The following TENM4 variants were observed in gnomAD, a reference collection of about 807,000 sequenced individuals.
TENM4 encodes the protein teneurin-4.
Under a neutral mutation model 243.3 loss-of-function variants are expected in TENM4, and 82 were observed. That is an observed-to-expected ratio of 0.34 (90% confidence interval 0.28 to 0.40). TENM4 has a LOEUF of 0.40. Among genes scored for constraint, TENM4 ranks in the 10% least tolerant of loss-of-function variants. The pLI, the probability that TENM4 is intolerant of heterozygous loss-of-function variation, is 1.00. For synonymous variants in TENM4, 1,412 were observed against 1,456.3 expected (o/e 0.97, Z 0.69); for missense variants, 3,138 against 3,673.3 (o/e 0.85, Z 3.77).
chr11:79,247,809 A>T (rs1349590320), intron 2 of TENM4, among the ~76,000 whole-genome samples: 2 of 152,216 alleles, frequency 1.3e-5, no homozygotes, highest in African/African-American at 4.8e-5. Flanking sequence ...AAGACAACTC[A>T]GTTGAAGGAA....
intron 6 of TENM4, among the ~76,000 whole-genome samples, chr11:78,929,624 C>T (rs570830026): frequency 1.4e-4 from 21 of 152,094 alleles, no homozygotes; most frequent in African/African-American, 4.6e-4. Flanking sequence ...TCAGGGCCCC[C>T]GGGGGAGATG....
At chr11:79,271,411 A>G (rs1565277555) in intron 2 of TENM4, among the ~76,000 whole-genome samples, 1 of 152,178 alleles carries the variant, frequency 6.6e-6, no homozygotes, top group Non-Finnish European at 1.5e-5. Context: ...CACTTTTCAT[A>G]CCAATCTGGA....
intron 3 of TENM4, among the ~76,000 whole-genome samples, chr11:79,163,895 G>A (rs1181081598): frequency 2.2e-5 from 3 of 136,010 alleles, no homozygotes; most frequent in East Asian, 2.1e-4. Context: ...TATTATATAT[G>A]GATATATATC....
At chr11:79,045,877 G>A (rs1365878872) in intron 6 of TENM4, among the ~76,000 whole-genome samples, 2 of 152,128 alleles carry the variant, frequency 1.3e-5, no homozygotes, top group Admixed American at 6.5e-5. Flanking sequence ...GTGCAGACAC[G>A]CAAAACACAC....
intron 3 of TENM4, among the ~76,000 whole-genome samples, chr11:79,207,322 C>A (rs912099687): frequency 6.6e-6 from 1 of 152,222 alleles, no homozygotes; most frequent in Non-Finnish European, 1.5e-5. Context: ...TCCCAACTAA[C>A]ACGGAGTGAG....
chr11:78,891,616 G>A lies in TENM4; in HGVS notation c.750-280C>T, dbSNP rs115122692. On this transcript the variant is annotated intron_variant, in intron 7 of 33. Coordinates refer to ENST00000278550, the MANE Select transcript of TENM4 (RefSeq NM_001098816.3). Reference sequence around the variant, plus strand: ...AGGACTGACATGTGTCCGGGACTGAGCTAGGTATGCTACATCCAGCCTCTC... The same window carrying A: ...AGGACTGACATGTGTCCGGGACTGAACTAGGTATGCTACATCCAGCCTCTC... 8.4e-3 allele frequency among the ~76,000 whole-genome samples: 1,283 copies of A among 152,314 alleles called. 22 individuals carry two copies. Among genetic ancestry groups the A allele is most frequent in the African/African-American group, 0.029 (1,188 of 41,560 alleles).
At chr11:79,019,250 G>A (rs1858859241) in intron 6 of TENM4, among the ~76,000 whole-genome samples, 1 of 152,212 alleles carries the variant, frequency 6.6e-6, no homozygotes. Context: ...CTAGGTAGAG[G>A]ACGGCAGCAA....
intron 2 of TENM4, among the ~76,000 whole-genome samples, chr11:79,286,630 C>T (rs1380660102): frequency 3.3e-5 from 5 of 151,780 alleles, no homozygotes; most frequent in Non-Finnish European, 5.9e-5. Context: ...AATCGTGCCA[C>T]GGCACTCCAG....
intron 1 of TENM4, among the ~76,000 whole-genome samples, chr11:79,382,676 G>T (rs57447286): frequency 0.099 from 14,991 of 151,992 alleles, 895 homozygotes; most frequent in African/African-American, 0.16. Flanking sequence ...GGGTAGGGAG[G>T]GGGAGGAGGA....
chr11:78,685,046 A>G (rs1590936619), intron 29 of TENM4, among the ~76,000 whole-genome samples: 2 of 151,846 alleles, frequency 1.3e-5, no homozygotes, highest in East Asian at 3.9e-4. Context: ...TCCTCTCTCC[A>G]TCTTTCTCTC....
intron 12 of TENM4, among the ~76,000 whole-genome samples, chr11:78,829,889 G>A (rs186163393): frequency 2.0e-4 from 30 of 152,268 alleles, no homozygotes; most frequent in African/African-American, 7.0e-4. Flanking sequence ...ATGCAGGTGC[G>A]TGTACTTTGT....
At chr11:78,810,625 C>T (rs1391648817) in intron 14 of TENM4, among the ~76,000 whole-genome samples, 1 of 152,206 alleles carries the variant, frequency 6.6e-6, no homozygotes, top group Non-Finnish European at 1.5e-5. Flanking sequence ...TAATCCCCAT[C>T]AAAGTTAACA....
intron 2 of TENM4, among the ~76,000 whole-genome samples, chr11:79,243,688 C>T (rs1855464107): frequency 6.6e-6 from 1 of 152,194 alleles, no homozygotes; most frequent in South Asian, 2.1e-4. Context: ...TGCCGAGAGC[C>T]TCCCGTGGAG....
At chr11:78,900,099 G>A (rs749840313) in intron 7 of TENM4, among the ~76,000 whole-genome samples, 13 of 152,292 alleles carry the variant, frequency 8.5e-5, no homozygotes, top group South Asian at 2.1e-4. Flanking sequence ...CTGTCAACGC[G>A]ATGTGGAGTG....
Position 78,805,277 on chromosome 11 carries a change from T to TGCCCCCCCC in TENM4, c.2179+14_2179+15insGGGGGGGGC. The TGCCCCCCCC allele has an allele frequency of 1.5e-4, 215 of 1,402,320 alleles. No individual in the cohort carries two copies. The highest frequency in any genetic ancestry group is 2.8e-4 in the East Asian group (9 of 32,214). 86.9% of individuals were successfully genotyped at this position (1,402,320 alleles called of 1,614,324 possible). A position where few individuals can be genotyped will look rare whatever the true frequency, so the allele number is the denominator to read the frequency against. ...CCCCTCCCTCTACCCATGCTTCTTC[T>TGCCCCCCCC]CCCCCTGCATTTACCGATAGAACAG... On this transcript the variant is annotated intron_variant, in intron 15 of 33. Transcript: ENST00000278550.
intron 12 of TENM4, among the ~76,000 whole-genome samples, chr11:78,825,316 C>A (rs1319157368): frequency 1.3e-5 from 2 of 152,138 alleles, no homozygotes; most frequent in East Asian, 3.9e-4. Context: ...ATAAAACCAC[C>A]ATATATATGC....
At chr11:79,267,944 C>A (rs977453687) in intron 2 of TENM4, among the ~76,000 whole-genome samples, 4 of 152,136 alleles carry the variant, frequency 2.6e-5, no homozygotes, top group African/African-American at 9.7e-5. Context: ...CTAGTGTAAC[C>A]AAAATGGAAG....
At chr11:78,906,019 T>C (rs1231203283) in intron 6 of TENM4, among the ~76,000 whole-genome samples, 1 of 152,226 alleles carries the variant, frequency 6.6e-6, no homozygotes, top group African/African-American at 2.4e-5. Flanking sequence ...ACCAGAGCAG[T>C]GGGAGGCAGT....
intron 3 of TENM4, among the ~76,000 whole-genome samples, chr11:79,196,225 T>C (rs545733349): frequency 6.6e-6 from 1 of 152,148 alleles, no homozygotes; most frequent in South Asian, 2.1e-4. Flanking sequence ...CAAGAGGGCA[T>C]CTCGCAAGCC....
Sources: gnomAD v4.1 joint callset for allele counts (sites outside exome capture counted in the v4.1 genomes callset) on GRCh38, gnomAD v4.1.1 for gene constraint, MANE v1.5 for transcripts, NCBI Gene and HGNC (gene_info 2026-07-23, HGNC 2026-07-21) for gene names.